The following LPCAT1 variants were observed in gnomAD, a reference collection of about 807,000 sequenced individuals.
LPCAT1 encodes lysophosphatidylcholine acyltransferase 1, also known as 1-acylglycerol-3-phosphate O-acyltransferase.
LPCAT1 carries 23 observed loss-of-function variants against 60.9 expected under a neutral mutation model. The ratio of observed to expected loss-of-function variants is 0.38; its 90% CI spans 0.27 to 0.53. LPCAT1 has a LOEUF of 0.53. Among genes scored for constraint, LPCAT1 ranks in the 20% least tolerant of loss-of-function variants. The pLI, the probability that LPCAT1 is intolerant of heterozygous loss-of-function variation, is 0.82. For missense variants in LPCAT1, 622 were observed against 723.6 expected (o/e 0.86, Z 1.61); for synonymous variants, 340 against 301.1 (o/e 1.13, Z -1.34).
chr5:1,501,408 T>C, intron 2 of LPCAT1, 53 bp downstream of exon 2: 1 of 1,555,214 alleles, frequency 6.4e-7, no homozygotes, highest in Non-Finnish European at 8.7e-7. Context: ...GTTCCCACTG[T>C]TTGGCCGCGT....
At chr5:1,509,789 T>C (rs143003953) in intron 1 of LPCAT1, among the ~76,000 whole-genome samples, 219 of 152,304 alleles carry the variant, frequency 1.4e-3, no homozygotes, top group African/African-American at 5.1e-3. Flanking sequence ...TTAACGATAC[T>C]AAAAGCAGAC....
chr5:1,482,748 G>T (rs1370097979), intron 6 of LPCAT1, among the ~76,000 whole-genome samples: 4 of 149,224 alleles, frequency 2.7e-5, no homozygotes, highest in African/African-American at 5.0e-5. Context: ...GTGGTGTGGT[G>T]GGCTGGGGCA....
chr5:1,513,996 A>G (rs10054495), intron 1 of LPCAT1, among the ~76,000 whole-genome samples: 13,556 of 152,230 alleles, frequency 0.089, 1,970 homozygotes, highest in African/African-American at 0.3. Context: ...ACATTTCCTC[A>G]GAAGGCAGCT....
intron 9 of LPCAT1, among the ~76,000 whole-genome samples, chr5:1,475,215 A>G (rs1734852749): frequency 6.6e-6 from 1 of 152,206 alleles, no homozygotes; most frequent in Admixed American, 6.5e-5. Context: ...GTGCCTCTCT[A>G]GTCCTAGTTG....
rs1438133814 is a variant in LPCAT1, at chr5:1,463,029, A to C, written c.*622T>G. The C allele has an allele frequency of 1.3e-5, 2 of 152,136 alleles. No individual in the cohort carries two copies. The highest frequency in any genetic ancestry group is 2.4e-5 in the African/African-American group (1 of 41,432). 9.4% of individuals were successfully genotyped at this position (152,136 alleles called of 1,614,324 possible). On this transcript the variant is annotated 3_prime_UTR_variant, in exon 14 of 14. Coordinates refer to ENST00000283415, the MANE Select transcript of LPCAT1 (RefSeq NM_024830.5). Reference sequence around the variant, plus strand: ...TATATTAAAAAAAAAAAGGCCTATAAATAAATATCCTTTGACTCTAAAAGG... The same window carrying C: ...TATATTAAAAAAAAAAAGGCCTATACATAAATATCCTTTGACTCTAAAAGG...
At position 1,476,124 on chromosome 5, in the gene LPCAT1, T is replaced by G. The variant is rs1270691916; in HGVS notation, c.899+1280A>C. On this transcript the variant is annotated intron_variant, in intron 9 of 13. Coordinates refer to ENST00000283415, the MANE Select transcript of LPCAT1 (RefSeq NM_024830.5). This position sits in a 1 kb window ranked among gnomAD's most constrained non-coding sequence, Gnocchi z 8.6. Reference sequence around the variant, plus strand: ...CTGTTTGAAATGGAGGGTTCTAAAATAATCAGTGAGGCCCACAGGCGATCT... The same window carrying G: ...CTGTTTGAAATGGAGGGTTCTAAAAGAATCAGTGAGGCCCACAGGCGATCT... Among the ~76,000 whole-genome samples, 1 of 152,188 alleles carries G rather than the reference T, an allele frequency of 6.6e-6. No homozygotes were observed. The highest frequency in any genetic ancestry group is 6.5e-5 in the Admixed American group (1 of 15,284).
At chr5:1,511,762 TG>T (rs1736363209) in intron 1 of LPCAT1, among the ~76,000 whole-genome samples, 1 of 152,206 alleles carries the variant, frequency 6.6e-6, no homozygotes, top group South Asian at 2.1e-4. Flanking sequence ...CAGTCTTGGT[TG>T]GCCAGGAACC....
In LPCAT1 at chr5:1,523,780, CG is replaced by C; in HGVS notation, c.64del (p.Arg22GlyfsTer28). Reference sequence around the variant, plus strand: ...GTTCCGCCCCGGGGGCGCCAGCAGCCGAGCGTCGCTGGCCCCTGCGCTGGAG... The same window carrying C: ...GTTCCGCCCCGGGGGCGCCAGCAGCCAGCGTCGCTGGCCCCTGCGCTGGAG... ...PASSAGASDA[R>X]LLAPPGRNPF... On this transcript the variant is annotated frameshift_variant, in exon 1 of 14. Transcript: ENST00000283415. LOFTEE classifies it high-confidence loss of function. The surrounding 1 kb of genome is among the most constrained non-coding windows in gnomAD (Gnocchi z 7.1). The C allele has an allele frequency of 8.7e-7, 1 of 1,148,884 alleles. No homozygotes were observed. Among genetic ancestry groups the C allele is most frequent in the Non-Finnish European group, 1.1e-6 (1 of 932,272 alleles). The allele number at this position is 1,148,884 out of a possible 1,614,324, so 71.2% of individuals were successfully genotyped here. A position where few individuals can be genotyped will look rare whatever the true frequency, so the allele number is the denominator to read the frequency against.
chr5:1,514,362 G>A (rs1484437959), intron 1 of LPCAT1, among the ~76,000 whole-genome samples: 2 of 152,218 alleles, frequency 1.3e-5, no homozygotes, highest in East Asian at 3.9e-4. Flanking sequence ...AGGTGCACGG[G>A]CCTCACAGCT....
rs1736742339 is a variant in LPCAT1, at chr5:1,523,590, C to T, written c.135+120G>A. ...GCCGCGGGGAGGGAAGGCGCCGCGG[C>T]TCGCAGGGCCGCGCCGCGCCCCAGG... On this transcript the variant is annotated intron_variant, in intron 1 of 13. Coordinates refer to ENST00000283415, the MANE Select transcript of LPCAT1 (RefSeq NM_024830.5). This position sits in a 1 kb window ranked among gnomAD's most constrained non-coding sequence, Gnocchi z 7.1. The T allele has an allele frequency of 3.0e-6, 2 of 676,900 alleles. No individual in the cohort carries two copies. Among genetic ancestry groups the T allele is most frequent in the Non-Finnish European group, 3.7e-6 (2 of 544,284 alleles). 41.9% of individuals were successfully genotyped at this position (676,900 alleles called of 1,614,324 possible).
chr5:1,470,565 C>G (rs1462768587), intron 12 of LPCAT1, among the ~76,000 whole-genome samples: 2 of 152,174 alleles, frequency 1.3e-5, no homozygotes, highest in African/African-American at 4.8e-5. Context: ...ACCACCAGCC[C>G]CACCCAGGTG....
Position 1,461,578 on chromosome 5 carries a change from G to A in LPCAT1, c.*2073C>T, listed in dbSNP as rs1012428517. 1 of 152,692 alleles carries A rather than the reference G, an allele frequency of 6.5e-6. No homozygotes were observed. Among genetic ancestry groups the A allele is most frequent in the African/African-American group, 2.4e-5 (1 of 41,454 alleles). The allele number at this position is 152,692 out of a possible 1,614,324, so 9.5% of individuals were successfully genotyped here. A position where few individuals can be genotyped will look rare whatever the true frequency, so the allele number is the denominator to read the frequency against. On this transcript the variant is annotated 3_prime_UTR_variant, in exon 14 of 14. Coordinates refer to ENST00000283415, the MANE Select transcript of LPCAT1 (RefSeq NM_024830.5). Reference sequence around the variant, plus strand: ...ACGGGTCTGGCCCCCAGGCCACCAGGGGCCCGCTGCGTCCTGTCTCACACA... The same window carrying A: ...ACGGGTCTGGCCCCCAGGCCACCAGAGGCCCGCTGCGTCCTGTCTCACACA...
intron 13 of LPCAT1, among the ~76,000 whole-genome samples, chr5:1,465,693 T>C (rs551963431): frequency 6.6e-6 from 1 of 151,624 alleles, no homozygotes; most frequent in South Asian, 2.1e-4. Flanking sequence ...AGCATGCACA[T>C]GCACGCACAC....
intron 4 of LPCAT1, among the ~76,000 whole-genome samples, chr5:1,489,500 G>A (rs1029834892): frequency 1.8e-4 from 27 of 152,238 alleles, no homozygotes; most frequent in African/African-American, 6.5e-4. Flanking sequence ...TCAGAACTTA[G>A]TTCAGAAAAG....
rs779849561 is a variant in LPCAT1 at position 1,479,167 on chromosome 5, G to A, written c.816+454C>T. On this transcript the variant is annotated intron_variant, in intron 8 of 13. Transcript: ENST00000283415. ...TCCCCGCACTTTAGGAGGCCAAGGC[G>A]GGAGGACTGCTTGAGCCCAGGAGTT... Among the ~76,000 whole-genome samples the A allele has an allele frequency of 7.0e-4, 107 of 152,366 alleles. 2 individuals carry two copies. The Middle Eastern group carries it at 0.014, about 19-fold the overall frequency.
At position 1,477,765 on chromosome 5, in the gene LPCAT1, C is replaced by T. The variant is rs1185227373; in HGVS notation, c.817-279G>A. 6.7e-6 allele frequency among the ~76,000 whole-genome samples: 1 copy of T among 149,212 alleles called. No homozygotes were observed. The highest frequency in any genetic ancestry group is 6.6e-5 in the Admixed American group (1 of 15,072). ...CTGGCTCTCTGATCTACACTCACCC[C>T]CGTCAGTGCTCCTGGGAGCGCCTGC... On this transcript the variant is annotated intron_variant, in intron 8 of 13. Coordinates refer to ENST00000283415, the MANE Select transcript of LPCAT1 (RefSeq NM_024830.5). The surrounding 1 kb of genome is among the most constrained non-coding windows in gnomAD (Gnocchi z 6.0).
At chr5:1,511,468 G>A (rs7716525) in intron 1 of LPCAT1, among the ~76,000 whole-genome samples, 8,445 of 104,704 alleles carry the variant, frequency 0.081, 1 homozygote, top group Non-Finnish European at 0.12. Context: ...TGCTCACCTC[G>A]CTCACCCTAC....
chr5:1,470,932 G>A lies in LPCAT1; in HGVS notation c.1180-8C>T. ...CACCTCGCCGCTGCCGCTCTGTGGG[G>A]AGAGACGCTCTCAGCCACAGCTCGG... On this transcript the variant is annotated splice_polypyrimidine_tract_variant and splice_region_variant and intron_variant, in intron 11 of 13. Coordinates refer to ENST00000283415, the MANE Select transcript of LPCAT1 (RefSeq NM_024830.5). 6.2e-7 allele frequency: 1 copy of A among 1,610,978 alleles called. No individual in the cohort carries two copies. The highest frequency in any genetic ancestry group is 8.5e-7 in the Non-Finnish European group (1 of 1,178,704).
Position 1,466,821 on chromosome 5 carries a change from C to T in LPCAT1, c.1348G>A (p.Gly450Arg). 1 of 1,613,496 alleles carries T rather than the reference C, an allele frequency of 6.2e-7. No individual in the cohort carries two copies. The highest frequency in any genetic ancestry group is 8.5e-7 in the Non-Finnish European group (1 of 1,179,612). ...TCGGTCACGGTGAGCTCTGCCACCC[C>T]CAGGGCCGTCTTGAGGATGCAGGAC... ...DLSCILKTAL[G>R]VAELTVTDLF... Residue 450 changes from glycine (G) to arginine (R), a missense_variant, in exon 13 of 14, where the codon GGG becomes AGG. Transcript: ENST00000283415.
Sources: gnomAD v4.1 joint callset for allele counts (sites outside exome capture counted in the v4.1 genomes callset) on GRCh38, gnomAD v4.1.1 for gene constraint, Gnocchi (gnomAD v3.1) non-coding constraint, MANE v1.5 for transcripts, NCBI Gene and HGNC (gene_info 2026-07-23, HGNC 2026-07-21) for gene names.